C11orf24: variants seen among roughly 807,000 people sequenced by gnomAD.
C11orf24 encodes chromosome 11 open reading frame 24.
A neutral mutation model predicts 7.3 loss-of-function variants in C11orf24; 5 were observed. The ratio of observed to expected loss-of-function variants is 0.69; its 90% CI spans 0.36 to 1.45. The LOEUF is 1.45. C11orf24 is among the 40% of genes most tolerant of loss of function. C11orf24 has a pLI of 0.03. For missense variants in C11orf24, 566 were observed against 590.5 expected (o/e 0.96, Z 0.43); for synonymous variants, 233 against 235.7 (o/e 0.99, Z 0.11).
rs777610296 is a variant in C11orf24, at chr11:68,261,990, G to A, written c.1005C>T (p.Ala335=). The A allele has an allele frequency of 1.9e-5, 31 of 1,614,054 alleles. No individual in the cohort carries two copies. The highest frequency in any genetic ancestry group is 2.5e-5 in the Non-Finnish European group (29 of 1,180,046). The change falls in exon 4 of 4, where the codon GCC becomes GCT. Residue 335 remains alanine, a synonymous_variant. Coordinates refer to ENST00000304271, the MANE Select transcript of C11orf24 (RefSeq NM_022338.4). ...QPSPMPYTQR[A]AGPGTSQAPE... Reference sequence around the variant, plus strand: ...GTGCCTGGGATGTGCCTGGCCCAGCGGCCCTCTGGGTATATGGCATGGGGC... The same window carrying A: ...GTGCCTGGGATGTGCCTGGCCCAGCAGCCCTCTGGGTATATGGCATGGGGC...
intron 2 of C11orf24, among the ~76,000 whole-genome samples, chr11:68,265,855 T>A (rs1480967580): frequency 6.6e-6 from 1 of 152,210 alleles, no homozygotes; most frequent in Non-Finnish European, 1.5e-5. Context: ...ATGAAAACAG[T>A]CACAAGGTAA....
Position 68,261,801 on chromosome 11 carries a change from G to A in C11orf24, c.1194C>T (p.Asp398=). 1 of 1,614,222 alleles carries A rather than the reference G, an allele frequency of 6.2e-7. No individual in the cohort carries two copies. Among genetic ancestry groups the A allele is most frequent in the Non-Finnish European group, 8.5e-7 (1 of 1,180,046 alleles). ...TTEPLTQAVV[D]KTLLLVVLLL... The stretch of plus-strand genomic sequence containing the variant: ...ACAGCACCACCAGAAGGAGAGTTTT[G>A]TCTACCACGGCCTGGGTGAGGGGCT... The change falls in exon 4 of 4, where the codon GAC becomes GAT. Residue 398 remains aspartate, a synonymous_variant. Transcript: ENST00000304271.
chr11:68,261,683 AGTCCACCTG>A lies in C11orf24; in HGVS notation c.1303_1311del (p.Gln435_Asp437del), dbSNP rs773936768. 18 of 1,612,818 alleles carry A rather than the reference AGTCCACCTG, an allele frequency of 1.1e-5. No homozygotes were observed. The highest frequency in any genetic ancestry group is 1.4e-5 in the Non-Finnish European group (17 of 1,178,980). The stretch of plus-strand genomic sequence containing the variant: ...TCCGCATACATCCCGTTGATTAAGT[AGTCCACCTG>A]GGTGTAGTCCTTCTTCTTGTAGCTC... On this transcript the variant is annotated inframe_deletion, in exon 4 of 4. Transcript: ENST00000304271.
At chr11:68,263,467 C>T (rs1195310159) in intron 3 of C11orf24, 17 of 541,874 alleles carry the variant, frequency 3.1e-5, no homozygotes, top group Middle Eastern at 4.9e-4. Context: ...GCAGGCCAAG[C>T]GAGCAAACCT....
chr11:68,265,902 G>A (rs1396212448), intron 2 of C11orf24, among the ~76,000 whole-genome samples: 2 of 152,260 alleles, frequency 1.3e-5, no homozygotes, highest in Non-Finnish European at 2.9e-5. Context: ...TGTGGCCCCA[G>A]CTGCATAGCT....
rs2153102946 is a variant in C11orf24 at position 68,261,783 on chromosome 11, C to T, written c.1212G>A (p.Val404=). 2.5e-6 allele frequency: 4 copies of T among 1,614,204 alleles called. No homozygotes were observed. In the African/African-American group the frequency reaches 4.0e-5, roughly 16 times the overall value. ...QAVVDKTLLL[V]VLLLGVTLFI... ...AAAGGGTCACCCCGAGTAACAGCAC[C>T]ACCAGAAGGAGAGTTTTGTCTACCA... The change falls in exon 4 of 4, where the codon GTG becomes GTA. Residue 404 remains valine, a synonymous_variant. Coordinates refer to ENST00000304271, the MANE Select transcript of C11orf24 (RefSeq NM_022338.4).
intron 3 of C11orf24, among the ~76,000 whole-genome samples, 170 bp from the exon 4 acceptor site, chr11:68,263,088 T>C (rs1653042227): frequency 1.3e-5 from 2 of 152,226 alleles, no homozygotes; most frequent in African/African-American, 4.8e-5. Context: ...CTTCCCACTG[T>C]TGGCATGCAG....
Position 68,261,530 on chromosome 11 carries a change from A to G in C11orf24, c.*115T>C, listed in dbSNP as rs1016688061. The G allele has an allele frequency of 7.3e-6, 6 of 817,304 alleles. No homozygotes were observed. The highest frequency in any genetic ancestry group is 1.2e-5 in the Non-Finnish European group (6 of 515,318). 50.6% of individuals were successfully genotyped at this position (817,304 alleles called of 1,614,324 possible). On this transcript the variant is annotated 3_prime_UTR_variant, in exon 4 of 4. Transcript: ENST00000304271. ...TGACAGCAATTAAATGTGTTTAAGC[A>G]TCTGGCATATCTCCTCAATTGCACC...
chr11:68,268,543 T>G (rs2098566358), intron 1 of C11orf24, among the ~76,000 whole-genome samples: 2 of 152,044 alleles, frequency 1.3e-5, no homozygotes, highest in East Asian at 3.9e-4. Context: ...TACAAAAAAA[T>G]TAGCTGGGCG....
At chr11:68,263,422 A>G in intron 3 of C11orf24, 1 of 520,426 alleles carries the variant, frequency 1.9e-6, no homozygotes, top group Non-Finnish European at 3.4e-6. Context: ...TCAATTCCCC[A>G]GTGAAGATTC....
intron 3 of C11orf24, chr11:68,263,320 C>T (rs1369796021): frequency 7.6e-6 from 3 of 392,462 alleles, no homozygotes; most frequent in Non-Finnish European, 1.4e-5. Context: ...CATAAAAGAA[C>T]GCTTGGCTTT....
rs752592577 is a variant in C11orf24, at chr11:68,263,791, G to T, written c.-24C>A. ...ATCTTGTGGGTGAGCTGGGAGCAAG[G>T]CTGGGCGGTCCCCGAGGCTCCCAGC... On this transcript the variant is annotated 5_prime_UTR_variant, in exon 3 of 4. Coordinates refer to ENST00000304271, the MANE Select transcript of C11orf24 (RefSeq NM_022338.4). 6.2e-7 allele frequency: 1 copy of T among 1,603,202 alleles called. No homozygotes were observed. The highest frequency in any genetic ancestry group is 1.7e-5 in the Admixed American group (1 of 58,984).
At chr11:68,268,903 C>T (rs1284726733) in intron 1 of C11orf24, among the ~76,000 whole-genome samples, 3 of 152,174 alleles carry the variant, frequency 2.0e-5, no homozygotes, top group Non-Finnish European at 4.4e-5. Context: ...AAATACACAA[C>T]TCTCTACTTA....
Position 68,261,580 on chromosome 11 carries a change from T to C in C11orf24, c.*65A>G. On this transcript the variant is annotated 3_prime_UTR_variant, in exon 4 of 4. Coordinates refer to ENST00000304271, the MANE Select transcript of C11orf24 (RefSeq NM_022338.4). ...CAAAAGAATTTGGAAGCACTTGGTT[T>C]GGTCTCAAAGGCAAAAGGAAAGGAC... is the stretch of plus-strand genomic sequence containing the variant. 4 of 1,443,206 alleles carry C rather than the reference T, an allele frequency of 2.8e-6. No individual in the cohort carries two copies. In the South Asian group the frequency reaches 4.0e-5, roughly 14 times the overall value. The allele number at this position is 1,443,206 out of a possible 1,614,324, so 89.4% of individuals were successfully genotyped here. A position where few individuals can be genotyped will look rare whatever the true frequency, so the allele number is the denominator to read the frequency against.
intron 2 of C11orf24, among the ~76,000 whole-genome samples, chr11:68,265,044 G>A (rs1431279178): frequency 1.3e-5 from 2 of 151,830 alleles, no homozygotes; most frequent in Non-Finnish European, 2.9e-5. Flanking sequence ...TGGTGTGGTC[G>A]GCATGCCAAG....
Position 68,263,712 on chromosome 11 carries a change from T to C in C11orf24, c.56A>G (p.His19Arg), listed in dbSNP as rs749613988. ...WIFSLSLSESHAASNDPRNFV... is the reference protein window; with the variant it reads ...WIFSLSLSESRAASNDPRNFV... ...CTTACGTGGATCGTTGGATGCCGCA[T>C]GGCTTTCAGATAAGGACAAGGAGAA... The change falls in exon 3 of 4, where the codon CAT becomes CGT. Residue 19 changes from histidine (H) to arginine (R), a missense_variant. Transcript: ENST00000304271. The C allele has an allele frequency of 6.2e-6, 10 of 1,613,676 alleles. No homozygotes were observed. Among genetic ancestry groups the C allele is most frequent in the South Asian group, 5.5e-5 (5 of 91,074 alleles).
chr11:68,262,072 A>G lies in C11orf24; in HGVS notation c.923T>C (p.Val308Ala). Residue 308 changes from valine to alanine, a missense_variant, in exon 4 of 4, where the codon GTA (valine) becomes GCA (alanine). Physicochemically the swap from Val to Ala is moderately conservative, Grantham distance 64. Coordinates refer to ENST00000304271, the MANE Select transcript of C11orf24 (RefSeq NM_022338.4). ...CTCAGGGATTGGGCTGGTGTGAGGT[A>G]CTGGCACTGGGCTGGCAGTTGGCTC... The part of the protein sequence containing the change: ...AREPTASPVP[V>A]PHTSPIPEME... 6.2e-7 allele frequency: 1 copy of G among 1,613,072 alleles called. No individual in the cohort carries two copies. Among genetic ancestry groups the G allele is most frequent in the Non-Finnish European group, 8.5e-7 (1 of 1,179,856 alleles).
chr11:68,265,086 G>A (rs1019635344), intron 2 of C11orf24, among the ~76,000 whole-genome samples: 4 of 151,760 alleles, frequency 2.6e-5, no homozygotes, highest in East Asian at 1.9e-4. Flanking sequence ...TGCCTGGGCC[G>A]CATTCTGAAA....
At position 68,262,345 on chromosome 11, in the gene C11orf24, A is replaced by G; in HGVS notation, c.650T>C (p.Val217Ala). The change falls in exon 4 of 4, where the codon GTA (valine) becomes GCA (alanine). Residue 217 changes from valine to alanine, a missense_variant. Coordinates refer to ENST00000304271, the MANE Select transcript of C11orf24 (RefSeq NM_022338.4). ...LATLATRAQT[V>A]ATTANTSSPM... Reference sequence around the variant, plus strand: ...GCTGCTTGTGTTTGCTGTGGTCGCTACAGTCTGAGCACGTGTGGCCAATGT... The same window carrying G: ...GCTGCTTGTGTTTGCTGTGGTCGCTGCAGTCTGAGCACGTGTGGCCAATGT... The G allele has an allele frequency of 6.2e-7, 1 of 1,614,100 alleles. No individual in the cohort carries two copies. The highest frequency in any genetic ancestry group is 8.5e-7 in the Non-Finnish European group (1 of 1,179,998).
Sources: allele counts gnomAD v4.1 joint callset (sites outside exome capture counted in the v4.1 genomes callset), GRCh38; gene constraint gnomAD v4.1.1; transcripts MANE v1.5; gene names NCBI Gene and HGNC (gene_info 2026-07-23, HGNC 2026-07-21).